KCTD2: variants seen among roughly 807,000 people sequenced by gnomAD.
KCTD2 encodes potassium channel tetramerization domain containing 2.
A neutral mutation model predicts 27.9 loss-of-function variants in KCTD2; 18 were observed. That is an observed-to-expected ratio of 0.64 (90% CI 0.45 to 0.96). KCTD2 has a LOEUF of 0.96. Ranked by LOEUF, KCTD2 falls within the 40% of genes least tolerant of loss-of-function variation. The pLI, the probability that KCTD2 is intolerant of heterozygous loss-of-function variation, is 0.00. For synonymous variants in KCTD2, 175 were observed against 148.4 expected (o/e 1.18, Z -1.30); for missense variants, 280 against 348.0 (o/e 0.80, Z 1.56).
intron 2 of KCTD2, among the ~76,000 whole-genome samples, chr17:75,034,611 C>T (rs1051900829): frequency 9.2e-5 from 14 of 152,124 alleles, no homozygotes; most frequent in African/African-American, 3.4e-4. Context: ...GCCATGGGGA[C>T]GACAGGATGA....
At chr17:75,037,228 C>CA (rs1285910442) in intron 3 of KCTD2, among the ~76,000 whole-genome samples, 1 of 151,752 alleles carries the variant, frequency 6.6e-6, no homozygotes, top group Admixed American at 6.6e-5. Context: ...CCTGTACTCC[C>CA]AGCTACTCTG....
At chr17:75,042,254 G>A (rs2073169138), upstream of KCTD2, 3 of 1,614,148 alleles carry the variant, frequency 1.9e-6, no homozygotes, top group East Asian at 2.2e-5. Context: ...GATAGCTGGT[G>A]GATTCTCAGG....
Position 75,063,548 on chromosome 17 carries a change from G to A in KCTD2, c.*501G>A, listed in dbSNP as rs923025695. 2 of 160,350 alleles carry A rather than the reference G, an allele frequency of 1.2e-5. No homozygotes were observed. The highest frequency in any genetic ancestry group is 2.4e-5 in the African/African-American group (1 of 41,706). The allele number at this position is 160,350 out of a possible 1,614,324, so 9.9% of individuals were successfully genotyped here. Reference sequence around the variant, plus strand: ...GCAGCAGATGCAAAGGGTTCTAGCTGCAGTTTGTCGAATTGAGGTTTTAGG... The same window carrying A: ...GCAGCAGATGCAAAGGGTTCTAGCTACAGTTTGTCGAATTGAGGTTTTAGG... On this transcript the variant is annotated 3_prime_UTR_variant, in exon 6 of 6. Transcript: ENST00000322444.
rs1230201964 is a variant in KCTD2, at chr17:75,056,971, T to G, written c.541-2539T>G. 2.7e-4 allele frequency among the ~76,000 whole-genome samples: 37 copies of G among 138,106 alleles called. No individual in the cohort carries two copies. The East Asian group carries it at 8.5e-3, about 32-fold the overall frequency. 90.6% of individuals were successfully genotyped at this position (138,106 alleles called of 152,430 possible). ...TTTTTTCTTTTTTTTTTTTTTTTTT[T>G]GGAGACAGAGTCTCGCTGTGTTGAC... On this transcript the variant is annotated intron_variant, in intron 3 of 5. Coordinates refer to ENST00000322444, the MANE Select transcript of KCTD2 (RefSeq NM_015353.3).
At chr17:75,039,861 TAG>T in intron 3 of KCTD2, 1 of 543,524 alleles carries the variant, frequency 1.8e-6, no homozygotes, top group Non-Finnish European at 3.2e-6. Context: ...CTACATTTTC[TAG>T]AGTCTTACAA....
Position 75,065,204 on chromosome 17 carries a change from C to T in KCTD2, c.*2157C>T, listed in dbSNP as rs565325506. ...AATAGACAGGAGTGGTATTTCCGCC[C>T]TCTCGGAGGGCTGGTGTTCACCAAG... is the stretch of plus-strand genomic sequence containing the variant. On this transcript the variant is annotated 3_prime_UTR_variant, in exon 6 of 6. Coordinates refer to ENST00000322444, the MANE Select transcript of KCTD2 (RefSeq NM_015353.3). The T allele has an allele frequency of 6.6e-6, 1 of 152,300 alleles. No homozygotes were observed. The highest frequency in any genetic ancestry group is 1.9e-4 in the East Asian group (1 of 5,184). 9.4% of individuals were successfully genotyped at this position (152,300 alleles called of 1,614,324 possible).
chr17:75,056,695 C>G (rs1354495374), intron 3 of KCTD2, among the ~76,000 whole-genome samples: 2 of 152,136 alleles, frequency 1.3e-5, no homozygotes, highest in African/African-American at 4.8e-5. Context: ...CTCTTTTATA[C>G]TTGTTGTATG....
At chr17:75,042,112 T>C in intron 3 of KCTD2, 2 of 1,361,912 alleles carry the variant, frequency 1.5e-6, no homozygotes, top group Non-Finnish European at 2.1e-6. Context: ...TGTATGTAAT[T>C]ATCCCTGTTC....
At chr17:75,053,216 A>T in intron 3 of KCTD2, 111 bp downstream of exon 3, 1 of 834,766 alleles carries the variant, frequency 1.2e-6, no homozygotes, top group Non-Finnish European at 2.0e-6. Flanking sequence ...TGTGTGGAAC[A>T]CCGTTTGCAG....
chr17:75,053,215 C>A, intron 3 of KCTD2, 110 bp downstream of exon 3: 1 of 832,990 alleles, frequency 1.2e-6, no homozygotes, highest in Non-Finnish European at 2.0e-6. Context: ...GTGTGTGGAA[C>A]ACCGTTTGCA....
At chr17:75,051,867 T>C (rs1320133366) in intron 2 of KCTD2, among the ~76,000 whole-genome samples, 14 of 152,188 alleles carry the variant, frequency 9.2e-5, no homozygotes, top group Non-Finnish European at 1.5e-5. Flanking sequence ...TTATAGCAAA[T>C]TTATTCCTAT....
intron 3 of KCTD2, chr17:75,042,183 T>A: frequency 1.9e-6 from 3 of 1,613,706 alleles, no homozygotes; most frequent in Non-Finnish European, 2.5e-6. Context: ...AGTCTCACCT[T>A]CTTCTCAAAG....
chr17:75,051,637 C>G (rs2073288744), intron 2 of KCTD2, among the ~76,000 whole-genome samples: 1 of 151,576 alleles, frequency 6.6e-6, no homozygotes, highest in Admixed American at 6.6e-5. Flanking sequence ...TTTCCCCCTC[C>G]CTACCCCCAT....
At chr17:75,051,025 G>T (rs2073278700) in intron 2 of KCTD2, among the ~76,000 whole-genome samples, 1 of 150,112 alleles carries the variant, frequency 6.7e-6, no homozygotes, top group Non-Finnish European at 1.5e-5. Context: ...CCAGGCTGGA[G>T]TGCAGTGGCG....
At chr17:75,039,133 C>T (rs1347289079) in intron 3 of KCTD2, 2 of 1,611,772 alleles carry the variant, frequency 1.2e-6, no homozygotes, top group Non-Finnish European at 1.7e-6. Context: ...AGGCAGGTTC[C>T]TGCCACCAGG....
intron 3 of KCTD2, among the ~76,000 whole-genome samples, chr17:75,056,664 T>G (rs1309004498): frequency 1.3e-5 from 2 of 152,236 alleles, no homozygotes; most frequent in Non-Finnish European, 2.9e-5. Context: ...AAAAATGGAT[T>G]TGATGTTATT....
intron 2 of KCTD2, chr17:75,035,190 G>A (rs887202509): frequency 3.9e-5 from 6 of 152,054 alleles, no homozygotes; most frequent in South Asian, 2.1e-4. Context: ...TGGTCGGAAC[G>A]TTTTAATCCC....
intron 5 of KCTD2, 122 bp from the exon 6 acceptor site, chr17:75,062,896 C>A: frequency 9.8e-7 from 1 of 1,019,108 alleles, no homozygotes; most frequent in South Asian, 1.4e-5. Context: ...CGGCTGCACC[C>A]CTGCTTGCTT....
chr17:75,034,037 G>A (rs1307563109), exon 2 of KCTD2: 1 of 152,228 alleles, frequency 6.6e-6, no homozygotes, highest in Non-Finnish European at 1.5e-5. Flanking sequence ...TCTCAGGGAT[G>A]CTGGAATCGA....
Sources: gnomAD v4.1 joint callset for allele counts (sites outside exome capture counted in the v4.1 genomes callset) on GRCh38, gnomAD v4.1.1 for gene constraint, MANE v1.5 for transcripts, NCBI Gene and HGNC (gene_info 2026-07-23, HGNC 2026-07-21) for gene names.